Variants in SRGAP1 observed in about 807,000 individuals in gnomAD.
The protein encoded by SRGAP1 is SLIT-ROBO Rho GTPase activating protein 1, also known as SLIT-ROBO Rho GTPase-activating protein 1.
SRGAP1 carries 43 observed loss-of-function variants against 121.9 expected under a neutral mutation model. The ratio of observed to expected loss-of-function variants is 0.35; its 90% CI spans 0.28 to 0.46. The LOEUF is 0.46. SRGAP1 is among the 20% of genes least tolerant of loss of function. The pLI, the probability that SRGAP1 is intolerant of heterozygous loss-of-function variation, is 1.00. For missense variants in SRGAP1, 1,102 were observed against 1,350.9 expected, an observed-to-expected ratio of 0.82 and a Z score of 2.89; for synonymous variants, 447 against 485.4, an observed-to-expected ratio of 0.92 and a Z score of 1.04.
At chr12:64,064,165 T>A (rs149053448) in intron 7 of SRGAP1, among the ~76,000 whole-genome samples, 364 of 152,282 alleles carry the variant, frequency 2.4e-3, no homozygotes, top group African/African-American at 8.3e-3. Flanking sequence ...TGACATCAGT[T>A]GTATTTTAAT....
intron 18 of SRGAP1, among the ~76,000 whole-genome samples, chr12:64,116,197 C>T (rs1015151403): frequency 2.9e-5 from 4 of 135,628 alleles, no homozygotes; most frequent in Admixed American, 8.5e-5. Context: ...TCTGAGGCTA[C>T]AGTGAACTAG....
At chr12:63,945,985 T>C (rs573778005) in intron 1 of SRGAP1, among the ~76,000 whole-genome samples, 339 of 152,256 alleles carry the variant, frequency 2.2e-3, no homozygotes, top group Non-Finnish European at 3.6e-3. Flanking sequence ...CCTTCCTACC[T>C]GGTTCACCCA....
chr12:64,041,472 C>T (rs1199653409), intron 4 of SRGAP1, among the ~76,000 whole-genome samples: 1 of 151,900 alleles, frequency 6.6e-6, no homozygotes, highest in Non-Finnish European at 1.5e-5. Flanking sequence ...GCCACTTCCA[C>T]CTCCCGGGCT....
chr12:63,963,500 A>G (rs1371949878), intron 1 of SRGAP1, among the ~76,000 whole-genome samples: 1 of 152,232 alleles, frequency 6.6e-6, no homozygotes, highest in East Asian at 1.9e-4. Flanking sequence ...AGAGTAATGG[A>G]CATAGCTGTC....
chr12:64,112,007 C>G, intron 17 of SRGAP1, 21 bp downstream of exon 17: 17 of 1,576,958 alleles, frequency 1.1e-5, no homozygotes, highest in Non-Finnish European at 1.4e-5. Context: ...GAATTTTAGT[C>G]CTCCTCTCCC....
At chr12:64,130,337 G>A (rs2036765474) in intron 21 of SRGAP1, among the ~76,000 whole-genome samples, 1 of 152,050 alleles carries the variant, frequency 6.6e-6, no homozygotes, top group African/African-American at 2.4e-5. Flanking sequence ...GTCTCCTGGT[G>A]GCACATTCCT....
chr12:64,011,931 C>G (rs1444868344), intron 3 of SRGAP1, among the ~76,000 whole-genome samples: 2 of 151,828 alleles, frequency 1.3e-5, no homozygotes, highest in African/African-American at 2.4e-5. Flanking sequence ...GCAAAACCCT[C>G]TCTACATAAA....
Position 64,148,316 on chromosome 12 carries a change from G to C in SRGAP1, c.*5644G>C, listed in dbSNP as rs929040966. ...TTTTTTTTTTGAGACGAATCTCTCT[G>C]TGTCACCCAGGCTGTAGTGCAGTGG... On this transcript the variant is annotated 3_prime_UTR_variant, in exon 22 of 22. Coordinates refer to ENST00000355086, the MANE Select transcript of SRGAP1 (RefSeq NM_020762.4). The C allele has an allele frequency of 1.0e-4, 13 of 130,588 alleles. No individual in the cohort carries two copies. The highest frequency in any genetic ancestry group is 3.7e-4 in the African/African-American group (13 of 35,180). 8.1% of individuals were successfully genotyped at this position (130,588 alleles called of 1,614,324 possible). A position where few individuals can be genotyped will look rare whatever the true frequency, so the allele number is the denominator to read the frequency against.
In SRGAP1 at chr12:64,144,823, A is replaced by G. The variant is rs1254151763; in HGVS notation, c.*2151A>G. 7.0e-6 allele frequency: 1 copy of G among 142,240 alleles called. No individual in the cohort carries two copies. Among genetic ancestry groups the G allele is most frequent in the Non-Finnish European group, 1.5e-5 (1 of 65,608 alleles). 8.8% of individuals were successfully genotyped at this position (142,240 alleles called of 1,614,324 possible). ...ATTCCTTAGGAATTTAAACTTTCCAAAATAATCCCCCACTTTTTTTTTTTT... is the reference window on the plus strand; with the variant it reads ...ATTCCTTAGGAATTTAAACTTTCCAGAATAATCCCCCACTTTTTTTTTTTT... On this transcript the variant is annotated 3_prime_UTR_variant, in exon 22 of 22. Transcript: ENST00000355086.
intron 4 of SRGAP1, among the ~76,000 whole-genome samples, chr12:64,020,459 T>TG (rs2034514914): frequency 6.6e-6 from 1 of 151,446 alleles, no homozygotes; most frequent in African/African-American, 2.4e-5. Flanking sequence ...CTTTATTTGC[T>TG]GGGAAAAAAA....
intron 4 of SRGAP1, among the ~76,000 whole-genome samples, chr12:64,039,722 G>T (rs2034977050): frequency 6.7e-6 from 1 of 148,344 alleles, no homozygotes; most frequent in Non-Finnish European, 1.5e-5. Context: ...ATGTGGGTTT[G>T]CTTCAGGCAG....
intron 1 of SRGAP1, among the ~76,000 whole-genome samples, chr12:63,924,703 G>A (rs938974423): frequency 6.6e-6 from 1 of 152,044 alleles, no homozygotes; most frequent in Non-Finnish European, 1.5e-5. Flanking sequence ...TTGAAGGAGG[G>A]AGCAGTGTGG....
intron 1 of SRGAP1, among the ~76,000 whole-genome samples, chr12:63,957,373 A>G (rs2032503371): frequency 6.6e-6 from 1 of 152,198 alleles, no homozygotes; most frequent in African/African-American, 2.4e-5. Flanking sequence ...GGCTTCTGGT[A>G]GGAGACCACC....
rs759634773 is a variant in SRGAP1 at position 64,078,876 on chromosome 12, A to G, written c.1126-43A>G. 8.2e-6 allele frequency: 13 copies of G among 1,592,364 alleles called. No homozygotes were observed. The South Asian group carries it at 1.4e-4, about 18-fold the overall frequency. ...TGGACTCTCCCTGTTTGTGGGATTCATGAAATAATGTACTAACGTGAGAAA... is the reference window on the plus strand; with the variant it reads ...TGGACTCTCCCTGTTTGTGGGATTCGTGAAATAATGTACTAACGTGAGAAA... On this transcript the variant is annotated intron_variant, in intron 8 of 21. Coordinates refer to ENST00000355086, the MANE Select transcript of SRGAP1 (RefSeq NM_020762.4).
At chr12:63,865,149 T>C (rs1404598539) in intron 1 of SRGAP1, among the ~76,000 whole-genome samples, 1 of 151,984 alleles carries the variant, frequency 6.6e-6, no homozygotes, top group African/African-American at 2.4e-5. Context: ...CAATGAAAAA[T>C]AAGTTTTTCT....
At chr12:64,055,511 T>C (rs2035323535) in intron 6 of SRGAP1, among the ~76,000 whole-genome samples, 1 of 150,998 alleles carries the variant, frequency 6.6e-6, no homozygotes, top group Admixed American at 6.6e-5. Flanking sequence ...TACTTTAAAG[T>C]TCATATGGAA....
intron 1 of SRGAP1, among the ~76,000 whole-genome samples, chr12:63,903,687 T>A (rs2030052196): frequency 6.6e-6 from 1 of 151,910 alleles, no homozygotes; most frequent in African/African-American, 2.4e-5. Context: ...CAGGCTGGAG[T>A]GCAGTGGTGT....
chr12:64,114,514 C>A (rs1322825416), intron 17 of SRGAP1, among the ~76,000 whole-genome samples: 2 of 152,008 alleles, frequency 1.3e-5, no homozygotes, highest in Non-Finnish European at 2.9e-5. Context: ...CCATACCCAG[C>A]TAATTTTTGT....
intron 18 of SRGAP1, among the ~76,000 whole-genome samples, chr12:64,123,662 T>G (rs955949060): frequency 1.3e-5 from 2 of 149,770 alleles, no homozygotes; most frequent in African/African-American, 4.9e-5. Flanking sequence ...ATTTATTTAT[T>G]TATTTATTTA....
Sources: gnomAD v4.1 joint callset for allele counts (sites outside exome capture counted in the v4.1 genomes callset) on GRCh38, gnomAD v4.1.1 for gene constraint, MANE v1.5 for transcripts, NCBI Gene and HGNC (gene_info 2026-07-23, HGNC 2026-07-21) for gene names.